AACS: variants seen among roughly 807,000 people sequenced by gnomAD.
AACS encodes acetoacetate-CoA ligase.
AACS carries 69 observed loss-of-function variants against 83.1 expected under a neutral mutation model. That is an observed-to-expected ratio of 0.83 (90% CI 0.68 to 1.01). The LOEUF (loss-of-function observed/expected upper bound fraction) is 1.01, where lower values mean the gene tolerates loss of function less well. AACS is among the 50% of genes least tolerant of loss of function. The pLI, the probability that AACS is intolerant of heterozygous loss-of-function variation, is 0.00. For synonymous variants in AACS, 333 were observed against 343.4 expected (o/e 0.97, Z 0.33); for missense variants, 866 against 882.2 (o/e 0.98, Z 0.23).
At chr12:125,110,189 TTGTGTGTGTG>T (rs59856503) in intron 8 of AACS, among the ~76,000 whole-genome samples, 22,399 of 118,266 alleles carry the variant, frequency 0.19, 2,089 homozygotes, top group Admixed American at 0.24. Flanking sequence ...CCGGCTAAGT[TTGTGTGTGTG>T]TGTGTGTGTG....
chr12:125,125,458 A>C (rs1957233155), intron 12 of AACS, among the ~76,000 whole-genome samples: 1 of 152,136 alleles, frequency 6.6e-6, no homozygotes. Context: ...TGTGTGTGAG[A>C]GCAAGGCAGG....
chr12:125,131,662 C>T lies in AACS; in HGVS notation c.1549+2202C>T, dbSNP rs371459692. On this transcript the variant is annotated intron_variant, in intron 14 of 17. Transcript: ENST00000316519. ...ATTTTTATTTTTTGACACGGTATCTCGCTCTGTTGCCCAGGCTGGGGTGCA... is the reference window on the plus strand; with the variant it reads ...ATTTTTATTTTTTGACACGGTATCTTGCTCTGTTGCCCAGGCTGGGGTGCA... 2.8e-4 allele frequency among the ~76,000 whole-genome samples: 42 copies of T among 151,970 alleles called. No homozygotes were observed. The East Asian group carries it at 4.3e-3, about 16-fold the overall frequency.
rs773498956 is a variant in AACS at position 125,102,691 on chromosome 12, C to T, written c.583C>T (p.Arg195Trp). Reference sequence around the variant, plus strand: ...CTCCTGCTTTCAGGGTGTGCTGGACCGGTTTTCTCAAATTCAGCCAAAGCT... The same window carrying T: ...CTCCTGCTTTCAGGGTGTGCTGGACTGGTTTTCTCAAATTCAGCCAAAGCT... ...PDFGVNGVLD[R>W]FSQIQPKLIF... Residue 195 changes from arginine (R) to tryptophan (W), a missense_variant, in exon 6 of 18, where the codon CGG becomes TGG. Arg to Trp is a moderately radical substitution (Grantham distance 101, BLOSUM62 -3). Coordinates refer to ENST00000316519, the MANE Select transcript of AACS (RefSeq NM_023928.5). The T allele has an allele frequency of 1.2e-5, 20 of 1,613,762 alleles. No homozygotes were observed. The highest frequency in any genetic ancestry group is 7.7e-5 in the South Asian group (7 of 91,042).
chr12:125,078,820 C>CA (rs71092270), intron 3 of AACS, among the ~76,000 whole-genome samples: 6,553 of 52,004 alleles, frequency 0.13, 810 homozygotes, highest in South Asian at 0.15. Flanking sequence ...GACTCCGTCT[C>CA]AAAAAAAAAA....
At chr12:125,079,327 G>A (rs568159248) in intron 3 of AACS, among the ~76,000 whole-genome samples, 10 of 152,316 alleles carry the variant, frequency 6.6e-5, no homozygotes, top group African/African-American at 2.4e-4. Context: ...AGAACGGGAA[G>A]GGATTGCATC....
In AACS at chr12:125,087,642, G is replaced by C. The variant is rs371982818; in HGVS notation, c.472+1199G>C. Among the ~76,000 whole-genome samples, 308 of 152,342 alleles carry C rather than the reference G, an allele frequency of 2.0e-3. 1 individual carries two copies. Among genetic ancestry groups the C allele is most frequent in the African/African-American group, 6.8e-3 (284 of 41,580 alleles). On this transcript the variant is annotated intron_variant, in intron 4 of 17. Coordinates refer to ENST00000316519, the MANE Select transcript of AACS (RefSeq NM_023928.5). ...TTGGGCTTTGGAGCCTTGGTGTTTG[G>C]CACGGGTGTGCCTCTCCCGAGGGAA...
chr12:125,087,508 C>T (rs1360197076), intron 4 of AACS, among the ~76,000 whole-genome samples: 1 of 152,180 alleles, frequency 6.6e-6, no homozygotes, highest in Non-Finnish European at 1.5e-5. Context: ...GATTTATCTT[C>T]CAGTGCAGCC....
In AACS at chr12:125,142,203, G is replaced by C. The variant is rs1393346802; in HGVS notation, c.1993G>C (p.Asp665His). The C allele has an allele frequency of 6.2e-7, 1 of 1,614,130 alleles. No individual in the cohort carries two copies. The highest frequency in any genetic ancestry group is 8.5e-7 in the Non-Finnish European group (1 of 1,180,000). The change falls in exon 18 of 18, where the codon GAC becomes CAC. Residue 665 changes from aspartate (D) to histidine (H), a missense_variant. Physicochemically the swap from Asp to His is moderately conservative, Grantham distance 81. Transcript: ENST00000316519. ...CCCCGAGACCCTGGATCTGTACCGG[G>C]ACATCCCTGAGCTGCAGGGCTTCTG... Reference protein sequence around the residue: ...SNPETLDLYRDIPELQGF With the variant: ...SNPETLDLYRHIPELQGF
chr12:125,077,256 T>G lies in AACS; in HGVS notation c.358+645T>G, dbSNP rs536462417. Among the ~76,000 whole-genome samples, 23 of 151,982 alleles carry G rather than the reference T, an allele frequency of 1.5e-4. 1 individual carries two copies. The highest frequency in any genetic ancestry group is 5.5e-4 in the African/African-American group (23 of 41,450). On this transcript the variant is annotated intron_variant, in intron 3 of 17. Coordinates refer to ENST00000316519, the MANE Select transcript of AACS (RefSeq NM_023928.5). ...AAAATTTATTATTATTTTTAAATTG[T>G]GTGTTCCACTTTGGGAGGCCAAGGT...
At chr12:125,133,259 T>C (rs1957352615) in intron 14 of AACS, among the ~76,000 whole-genome samples, 1 of 152,176 alleles carries the variant, frequency 6.6e-6, no homozygotes, top group South Asian at 2.1e-4. Context: ...GTTTGGCGCC[T>C]GGGTGGAGGA....
In AACS at chr12:125,107,232, C is replaced by A. The variant is rs1956854420; in HGVS notation, c.879C>A (p.Thr293=). ...TGTTCATCATGTTCTCATCGGGCAC[C>A]ACGGGCGCACCCAAGTGCATGGTGC... is the stretch of plus-strand genomic sequence containing the variant. The part of the protein sequence containing the change: ...HPLFIMFSSG[T]TGAPKCMVHS... Residue 293 remains threonine, a synonymous_variant, in exon 8 of 18, where the codon ACC becomes ACA. Coordinates refer to ENST00000316519, the MANE Select transcript of AACS (RefSeq NM_023928.5). 10 of 1,614,050 alleles carry A rather than the reference C, an allele frequency of 6.2e-6. No individual in the cohort carries two copies. The highest frequency in any genetic ancestry group is 1.6e-4 in the Middle Eastern group (1 of 6,062).
chr12:125,099,885 A>G (rs762155182), intron 5 of AACS, among the ~76,000 whole-genome samples: 23 of 152,302 alleles, frequency 1.5e-4, no homozygotes, highest in Non-Finnish European at 2.8e-4. Flanking sequence ...AATTTTGGTT[A>G]GGCTGGTCTC....
chr12:125,123,857 G>A (rs1022363336), intron 10 of AACS: 1 of 152,248 alleles, frequency 6.6e-6, no homozygotes, highest in African/African-American at 2.4e-5. Context: ...TAGCATATTA[G>A]ACAGGGCTGC....
intron 4 of AACS, among the ~76,000 whole-genome samples, chr12:125,087,978 C>T (rs1190160627): frequency 6.6e-6 from 1 of 152,184 alleles, no homozygotes; most frequent in Non-Finnish European, 1.5e-5. Flanking sequence ...AGAGGCCGTT[C>T]CTGGTTAGCC....
Position 125,094,275 on chromosome 12 carries a change from G to A in AACS, c.570+2752G>A, listed in dbSNP as rs547897321. Among the ~76,000 whole-genome samples the A allele has an allele frequency of 2.0e-5, 3 of 152,182 alleles. No individual in the cohort carries two copies. Among genetic ancestry groups the A allele is most frequent in the African/African-American group, 7.2e-5 (3 of 41,428 alleles). On this transcript the variant is annotated intron_variant, in intron 5 of 17. Transcript: ENST00000316519. The surrounding 1 kb of genome is among the most constrained non-coding windows in gnomAD (Gnocchi z 4.1). ...CAGACTGTGCCCCATTTTCAGTAAG[G>A]GGCGCTCTTCAGAAACTGCAATGAA... is the stretch of plus-strand genomic sequence containing the variant.
At chr12:125,128,952 A>C (rs1442989053) in intron 13 of AACS, 1 of 160,392 alleles carries the variant, frequency 6.2e-6, no homozygotes, top group Non-Finnish European at 1.4e-5. Flanking sequence ...AGTAGCCCGA[A>C]CGAGCCCAGA....
intron 8 of AACS, among the ~76,000 whole-genome samples, chr12:125,112,881 C>T (rs1168946506): frequency 4.6e-5 from 7 of 152,138 alleles, no homozygotes; most frequent in Non-Finnish European, 8.8e-5. Flanking sequence ...ACCATCAGAT[C>T]GCATGAGACT....
intron 1 of AACS, among the ~76,000 whole-genome samples, chr12:125,073,122 G>A (rs762467944): frequency 2.0e-5 from 3 of 151,896 alleles, no homozygotes; most frequent in Admixed American, 1.3e-4. Context: ...TAGAGATGGG[G>A]TTTCACTATT....
chr12:125,080,913 C>G lies in AACS; in HGVS notation c.358+4302C>G, dbSNP rs58120390. The stretch of plus-strand genomic sequence containing the variant: ...TCACCGTGTTAGCCAGGATGGTCTC[C>G]ATCTCCTGACCTCGTGATCCACCCG... On this transcript the variant is annotated intron_variant, in intron 3 of 17. Transcript: ENST00000316519. Among the ~76,000 whole-genome samples, 842 of 151,904 alleles carry G rather than the reference C, an allele frequency of 5.5e-3. 14 individuals carry two copies. The highest frequency in any genetic ancestry group is 0.02 in the African/African-American group (810 of 41,398).
Sources: gnomAD v4.1 joint callset for allele counts (sites outside exome capture counted in the v4.1 genomes callset) on GRCh38, gnomAD v4.1.1 for gene constraint, Gnocchi (gnomAD v3.1) non-coding constraint, MANE v1.5 for transcripts, NCBI Gene and HGNC (gene_info 2026-07-23, HGNC 2026-07-21) for gene names.